ITGA9: variants seen among roughly 807,000 people sequenced by gnomAD.
ITGA9 encodes integrin alpha-9.
ITGA9 carries 56 observed loss-of-function variants against 127.8 expected under a neutral mutation model. The observed-to-expected ratio is 0.44, with a 90% CI of 0.35 to 0.55. The LOEUF is 0.55. Among genes scored for constraint, ITGA9 ranks in the 20% least tolerant of loss-of-function variants. The probability of loss-of-function intolerance (pLI) is 0.00; values close to 1 mark genes in which losing one functional copy is unlikely to be tolerated. For missense variants in ITGA9, 1,196 were observed against 1,347.1 expected (o/e 0.89, Z 1.76); for synonymous variants, 508 against 514.5 (o/e 0.99, Z 0.17).
chr3:37,620,804 C>T (rs1256291380), intron 15 of ITGA9, among the ~76,000 whole-genome samples: 1 of 152,230 alleles, frequency 6.6e-6, no homozygotes, highest in African/African-American at 2.4e-5. Context: ...TCTACCCACT[C>T]TGGGTCAGAA....
rs112540161 is a variant in ITGA9, at chr3:37,641,797, G to C, written c.1840-11917G>C. ...CTTACCAGGCCTCTGCCTGCCTCAG[G>C]CCCTTTGCATATGCTGATACCTCAT... is the stretch of plus-strand genomic sequence containing the variant. On this transcript the variant is annotated intron_variant, in intron 16 of 27. Transcript: ENST00000264741. Among the ~76,000 whole-genome samples the C allele has an allele frequency of 6.6e-3, 997 of 152,192 alleles. 13 individuals carry two copies. The highest frequency in any genetic ancestry group is 0.023 in the African/African-American group (938 of 41,514).
intron 26 of ITGA9, among the ~76,000 whole-genome samples, chr3:37,802,249 C>T (rs1432152367): frequency 2.0e-5 from 3 of 152,100 alleles, no homozygotes; most frequent in Admixed American, 2.0e-4. Context: ...CTGACACAGA[C>T]AATATTCAAT....
At chr3:37,538,668 C>G (rs774146046) in intron 14 of ITGA9, among the ~76,000 whole-genome samples, 2 of 152,228 alleles carry the variant, frequency 1.3e-5, no homozygotes, top group African/African-American at 2.4e-5. Context: ...CTCTGCTTCC[C>G]TTTCCACCAG....
intron 26 of ITGA9, among the ~76,000 whole-genome samples, chr3:37,787,815 G>A (rs17036983): frequency 0.029 from 4,482 of 152,248 alleles, 196 homozygotes; most frequent in South Asian, 0.12. Flanking sequence ...GCACCAAATT[G>A]TTATGGCCTT....
rs1575205862 is a variant in ITGA9, at chr3:37,715,695, C to A, written c.2068-17017C>A. Among the ~76,000 whole-genome samples, 3 of 152,314 alleles carry A rather than the reference C, an allele frequency of 2.0e-5. No homozygotes were observed. The South Asian group carries it at 6.2e-4, about 32-fold the overall frequency. On this transcript the variant is annotated intron_variant, in intron 18 of 27. Transcript: ENST00000264741. ...GGGTGGATTTCTTTGTTTAAAAAAT[C>A]CTGGTTTGCTTGAAACTGGCTGCCC... is the stretch of plus-strand genomic sequence containing the variant.
At chr3:37,674,701 G>C (rs1700665970) in intron 17 of ITGA9, among the ~76,000 whole-genome samples, 2 of 152,206 alleles carry the variant, frequency 1.3e-5, no homozygotes, top group Non-Finnish European at 2.9e-5. Context: ...AACTGGTACA[G>C]CTCCCCTGGT....
chr3:37,555,176 T>C (rs1231658880), intron 15 of ITGA9, among the ~76,000 whole-genome samples: 1 of 152,238 alleles, frequency 6.6e-6, no homozygotes, highest in Non-Finnish European at 1.5e-5. Flanking sequence ...CTTTATAATC[T>C]GGTCTGAGGC....
chr3:37,580,568 G>C (rs4678969), intron 15 of ITGA9, among the ~76,000 whole-genome samples: 97,751 of 152,098 alleles, frequency 0.64, 31,741 homozygotes, highest in East Asian at 0.74. Context: ...GCCCACAGCA[G>C]ATGGAAGTTT....
chr3:37,465,907 T>C (rs528957648), intron 1 of ITGA9, among the ~76,000 whole-genome samples: 1 of 152,108 alleles, frequency 6.6e-6, no homozygotes, highest in South Asian at 2.1e-4. Flanking sequence ...TTCAGGCTGA[T>C]GTGGGGTGGG....
At chr3:37,503,540 T>C (rs1698809904) in intron 6 of ITGA9, among the ~76,000 whole-genome samples, 2 of 152,234 alleles carry the variant, frequency 1.3e-5, no homozygotes, top group Admixed American at 6.5e-5. Context: ...ATTAAAAAGC[T>C]GACAGTTGAA....
intron 14 of ITGA9, among the ~76,000 whole-genome samples, chr3:37,536,981 C>T (rs138073531): frequency 8.5e-4 from 130 of 152,326 alleles, no homozygotes; most frequent in African/African-American, 3.0e-3. Flanking sequence ...ATTAGATATG[C>T]AAATTCTGAC....
chr3:37,759,248 A>G (rs959142665), intron 23 of ITGA9, among the ~76,000 whole-genome samples: 4 of 152,024 alleles, frequency 2.6e-5, no homozygotes. Context: ...AGTAACAACT[A>G]CCCCTCAATG....
At chr3:37,560,776 T>C (rs962893185) in intron 15 of ITGA9, among the ~76,000 whole-genome samples, 1 of 152,190 alleles carries the variant, frequency 6.6e-6, no homozygotes, top group East Asian at 1.9e-4. Flanking sequence ...CAATAACATA[T>C]ATCAGTTTGC....
chr3:37,511,995 TTTC>T (rs1231860967), intron 8 of ITGA9, among the ~76,000 whole-genome samples: 1 of 36,560 alleles, frequency 2.7e-5, no homozygotes, highest in Non-Finnish European at 7.7e-5. Context: ...TTTCTTTTCT[TTTC>T]TTTTCTTTTC....
At chr3:37,517,360 TC>T (rs1367996860) in intron 9 of ITGA9, 143 bp from the exon 10 acceptor site, 1 of 703,788 alleles carries the variant, frequency 1.4e-6, no homozygotes, top group African/African-American at 1.8e-5. Context: ...AAGTTTGGGT[TC>T]CTGTAATTCT....
At position 37,819,227 on chromosome 3, in the gene ITGA9, C is replaced by T. The variant is rs1041198421; in HGVS notation, c.*238C>T. On this transcript the variant is annotated 3_prime_UTR_variant, in exon 28 of 28. Coordinates refer to ENST00000264741, the MANE Select transcript of ITGA9 (RefSeq NM_002207.3). ...ACTCTGAACTTTGGAGAGTGAGCTA[C>T]AGAGCCGAGCAATATTTATGGATGC... The T allele has an allele frequency of 6.9e-6, 4 of 579,824 alleles. No homozygotes were observed. The highest frequency in any genetic ancestry group is 1.2e-5 in the Non-Finnish European group (4 of 324,602). The allele number at this position is 579,824 out of a possible 1,614,324, so 35.9% of individuals were successfully genotyped here.
At chr3:37,779,135 TG>T (rs760347204) in intron 24 of ITGA9, among the ~76,000 whole-genome samples, 4 of 152,176 alleles carry the variant, frequency 2.6e-5, no homozygotes, top group African/African-American at 4.8e-5. Context: ...GATGGAGTCT[TG>T]CTCTGTCGCC....
intron 4 of ITGA9, among the ~76,000 whole-genome samples, chr3:37,485,385 G>A (rs2125560755): frequency 6.6e-6 from 1 of 152,168 alleles, no homozygotes; most frequent in Non-Finnish European, 1.5e-5. Flanking sequence ...GACCGTGGGA[G>A]GGGCTGTGGG....
chr3:37,651,144 C>CTG (rs970498417), intron 16 of ITGA9, among the ~76,000 whole-genome samples: 37 of 152,104 alleles, frequency 2.4e-4, no homozygotes, highest in African/African-American at 8.9e-4. Flanking sequence ...CACACACGCA[C>CTG]TGTGTGTGTG....
Sources: gnomAD v4.1 joint callset for allele counts (sites outside exome capture counted in the v4.1 genomes callset) on GRCh38, gnomAD v4.1.1 for gene constraint, MANE v1.5 for transcripts, NCBI Gene and HGNC (gene_info 2026-07-23, HGNC 2026-07-21) for gene names.